PIWIL4: variants seen among roughly 807,000 people sequenced by gnomAD.
PIWIL4 encodes the protein piwi like RNA-mediated gene silencing 4.
In PIWIL4, 50 loss-of-function variants were observed where a neutral mutation model predicts 100.9. The ratio of observed to expected loss-of-function variants is 0.50; its 90% CI spans 0.39 to 0.63. The LOEUF (loss-of-function observed/expected upper bound fraction) is 0.63. Among genes scored for constraint, PIWIL4 ranks in the 20% least tolerant of loss-of-function variants. The probability of loss-of-function intolerance (pLI) is 0.00; values close to 1 mark genes in which losing one functional copy is unlikely to be tolerated. For synonymous variants in PIWIL4, 342 were observed against 367.5 expected, an observed-to-expected ratio of 0.93 and a Z score of 0.79; for missense variants, 887 against 1,043.3, an observed-to-expected ratio of 0.85 and a Z score of 2.06.
chr11:94,621,014 C>A lies in PIWIL4; in HGVS notation c.*22C>A. 1 of 1,515,372 alleles carries A rather than the reference C, an allele frequency of 6.6e-7. No individual in the cohort carries two copies. 93.9% of individuals were successfully genotyped at this position (1,515,372 alleles called of 1,614,324 possible). On this transcript the variant is annotated 3_prime_UTR_variant, in exon 20 of 20. Coordinates refer to ENST00000299001, the MANE Select transcript of PIWIL4 (RefSeq NM_152431.3). ...GTGATGGCATGAACTACTGGCATCA[C>A]TAGATGGACAATCCAAGAAGAAATT...
chr11:94,597,827 T>A lies in PIWIL4; in HGVS notation c.1292T>A (p.Leu431Gln). ...IQRNTNARFE[L>Q]ETWGLHFGSQ... is the part of the protein sequence containing the mutation. ...AGGAATACCAATGCTCGCTTTGAAC[T>A]AGAGACCTGGGGACTGCATTTTGGA... Residue 431 changes from leucine to glutamine, a missense_variant, in exon 11 of 20, where the codon CTA becomes CAA. Leu to Gln is a moderately radical substitution (Grantham distance 113). This residue lies in a region of PIWIL4 where 741 missense variants were observed against 930.0 expected (regional missense o/e 0.80). Transcript: ENST00000299001. 6.2e-7 allele frequency: 1 copy of A among 1,613,820 alleles called. No individual in the cohort carries two copies. The highest frequency in any genetic ancestry group is 8.5e-7 in the Non-Finnish European group (1 of 1,179,768).
rs1948250776 is a variant in PIWIL4, at chr11:94,577,261, T to A, written c.299-17T>A. ...GATTTCCTGATTAAAAAATTGTTTTTTGTTTGTCTTCTTCAGGTTCCAGTG... is the reference window on the plus strand; with the variant it reads ...GATTTCCTGATTAAAAAATTGTTTTATGTTTGTCTTCTTCAGGTTCCAGTG... On this transcript the variant is annotated splice_polypyrimidine_tract_variant and intron_variant, in intron 3 of 19. Coordinates refer to ENST00000299001, the MANE Select transcript of PIWIL4 (RefSeq NM_152431.3). The A allele has an allele frequency of 3.1e-6, 5 of 1,588,226 alleles. No homozygotes were observed. In the East Asian group the frequency reaches 1.1e-4, roughly 36 times the overall value.
chr11:94,583,989 T>C (rs1171972735), intron 5 of PIWIL4, among the ~76,000 whole-genome samples: 1 of 152,218 alleles, frequency 6.6e-6, no homozygotes. Context: ...GTCTGCTTTC[T>C]GCCCTGGCTC....
chr11:94,591,088 T>C (rs1160374034), intron 8 of PIWIL4, among the ~76,000 whole-genome samples: 1 of 152,232 alleles, frequency 6.6e-6, no homozygotes, highest in Non-Finnish European at 1.5e-5. Context: ...GCCTGCACTT[T>C]GTGAGCACTG....
At chr11:94,568,925 G>A in intron 2 of PIWIL4, 117 bp downstream of exon 2, 1 of 852,464 alleles carries the variant, frequency 1.2e-6, no homozygotes, top group Non-Finnish European at 1.9e-6. Flanking sequence ...TCCTTTCCTT[G>A]AAGGATCCCC....
Position 94,604,053 on chromosome 11 carries a change from G to A in PIWIL4, c.1635G>A (p.Gln545=), listed in dbSNP as rs1948683150. ...AIQQYVDPDV[Q]LVMCILPSNQ... ...AGCAATATGTTGATCCTGATGTTCA[G>A]CTGGTAAGTACAGGATACTTTTTGA... Residue 545 remains glutamine (Q), a synonymous_variant, in exon 13 of 20, where the codon CAG becomes CAA. Coordinates refer to ENST00000299001, the MANE Select transcript of PIWIL4 (RefSeq NM_152431.3). 1 of 1,598,214 alleles carries A rather than the reference G, an allele frequency of 6.3e-7. No homozygotes were observed. The highest frequency in any genetic ancestry group is 8.6e-7 in the Non-Finnish European group (1 of 1,168,600).
At chr11:94,574,601 G>A (rs1047092634) in intron 2 of PIWIL4, among the ~76,000 whole-genome samples, 2 of 152,144 alleles carry the variant, frequency 1.3e-5, no homozygotes, top group Admixed American at 1.3e-4. Flanking sequence ...CTGGGTTTAA[G>A]TGATCCTCCC....
chr11:94,607,052 G>A (rs1366190140), intron 13 of PIWIL4, among the ~76,000 whole-genome samples: 3 of 152,090 alleles, frequency 2.0e-5, no homozygotes, highest in South Asian at 2.1e-4. Flanking sequence ...ATGATAACTC[G>A]AAAACCATAG....
At chr11:94,576,991 A>C (rs961750094) in intron 3 of PIWIL4, among the ~76,000 whole-genome samples, 1 of 152,198 alleles carries the variant, frequency 6.6e-6, no homozygotes, top group Admixed American at 6.5e-5. Flanking sequence ...CAAGCTTTGA[A>C]AGGTGTCCTG....
At chr11:94,595,669 T>C (rs1404757941) in intron 10 of PIWIL4, among the ~76,000 whole-genome samples, 1 of 152,226 alleles carries the variant, frequency 6.6e-6, no homozygotes, top group African/African-American at 2.4e-5. Context: ...CTTTCATCTA[T>C]TTCATACATT....
Position 94,621,414 on chromosome 11 carries a change from G to T in PIWIL4, c.*422G>T. ...TTTAAATAGTTGAAAATAAAGTTCA[G>T]AACATCATGTGTTTATTGTTATTTG... is the stretch of plus-strand genomic sequence containing the variant. On this transcript the variant is annotated 3_prime_UTR_variant, in exon 20 of 20. Transcript: ENST00000299001. The T allele has an allele frequency of 6.3e-6, 1 of 159,194 alleles. No homozygotes were observed. The highest frequency in any genetic ancestry group is 1.8e-4 in the East Asian group (1 of 5,498). The allele number at this position is 159,194 out of a possible 1,614,324, so 9.9% of individuals were successfully genotyped here. A position where few individuals can be genotyped will look rare whatever the true frequency, so the allele number is the denominator to read the frequency against.
rs1260228455 is a variant in PIWIL4, at chr11:94,589,130, C to A, written c.924C>A (p.Asn308Lys). Residue 308 changes from asparagine (N) to lysine (K), a missense_variant, in exon 8 of 20, where the codon AAC becomes AAA. Transcript: ENST00000299001. ...TTTTTATATTTGGCAGATACAATAA[C>A]AGAACCTACTCCATTGATGACATTG... ...IGLIVLTRYN[N>K]RTYSIDDIDW... The A allele has an allele frequency of 6.2e-7, 1 of 1,607,906 alleles. No homozygotes were observed. Among genetic ancestry groups the A allele is most frequent in the Non-Finnish European group, 8.5e-7 (1 of 1,175,108 alleles).
At chr11:94,579,378 C>T (rs1047929458) in intron 4 of PIWIL4, among the ~76,000 whole-genome samples, 5 of 152,030 alleles carry the variant, frequency 3.3e-5, no homozygotes, top group African/African-American at 9.7e-5. Context: ...ATGTTTTTAA[C>T]ATATGTTTTG....
intron 2 of PIWIL4, among the ~76,000 whole-genome samples, chr11:94,572,292 A>C (rs1948166876): frequency 6.6e-6 from 1 of 152,180 alleles, no homozygotes; most frequent in South Asian, 2.1e-4. Flanking sequence ...CTTTAGTTTC[A>C]TTAGATCCCA....
At chr11:94,605,360 T>C (rs895084297) in intron 13 of PIWIL4, among the ~76,000 whole-genome samples, 1 of 152,178 alleles carries the variant, frequency 6.6e-6, no homozygotes, top group East Asian at 1.9e-4. Flanking sequence ...ATAACGTCCC[T>C]CGATTTGGGT....
chr11:94,588,614 T>C (rs901001835), intron 7 of PIWIL4, among the ~76,000 whole-genome samples: 9 of 152,162 alleles, frequency 5.9e-5, no homozygotes, highest in African/African-American at 2.2e-4. Context: ...AGAAGGAGCT[T>C]AGAGTAATCT....
At chr11:94,586,997 T>C in intron 6 of PIWIL4, 53 bp from the exon 7 acceptor site, 1 of 1,379,880 alleles carries the variant, frequency 7.2e-7, no homozygotes, top group Non-Finnish European at 1.0e-6. Flanking sequence ...ATCTTTATTG[T>C]GTTTCCGGTA....
At chr11:94,602,021 G>A (rs777322951) in intron 12 of PIWIL4, 42 bp downstream of exon 12, 1 of 1,550,744 alleles carries the variant, frequency 6.4e-7, no homozygotes, top group Non-Finnish European at 8.7e-7. Context: ...AATTTGGTTT[G>A]GTTAGAAGGT....
intron 12 of PIWIL4, among the ~76,000 whole-genome samples, chr11:94,602,676 A>C (rs1351984554): frequency 1.3e-5 from 2 of 152,206 alleles, no homozygotes; most frequent in Non-Finnish European, 2.9e-5. Flanking sequence ...TTTTACTGAA[A>C]CTGATATGCT....
Sources: gnomAD v4.1 joint callset for allele counts (sites outside exome capture counted in the v4.1 genomes callset) on GRCh38, gnomAD v4.1.1 for gene constraint, gnomAD v4.1.1 regional missense constraint, MANE v1.5 for transcripts, NCBI Gene and HGNC (gene_info 2026-07-23, HGNC 2026-07-21) for gene names.